F13B: variants seen among roughly 807,000 people sequenced by gnomAD.
F13B encodes coagulation factor XIII B chain, also known as TGase.
In F13B, 58 loss-of-function variants were observed where a neutral mutation model predicts 79.8. The observed-to-expected ratio is 0.73, with a 90% confidence interval of 0.59 to 0.90. F13B has a LOEUF of 0.90. Ranked by LOEUF, F13B falls within the 40% of genes least tolerant of loss-of-function variation. The pLI is 0.00. For synonymous variants in F13B, 283 were observed against 260.3 expected (o/e 1.09, Z -0.84); for missense variants, 773 against 777.0 (o/e 0.99, Z 0.06).
rs372448609 is a variant in F13B, at chr1:197,062,040, C to T, written c.266-71G>A. The T allele has an allele frequency of 4.5e-6, 6 of 1,324,606 alleles. No homozygotes were observed. The East Asian group carries it at 9.7e-5, about 21-fold the overall frequency. The allele number at this position is 1,324,606 out of a possible 1,614,324, so 82.1% of individuals were successfully genotyped here. ...TCTTTTACTAAATTGTAAAATTAAG[C>T]CAAAAGTATAATGTTATTATTGGCG... On this transcript the variant is annotated intron_variant, in intron 2 of 11. Transcript: ENST00000367412.
intron 5 of F13B, 141 bp downstream of exon 5, chr1:197,060,225 C>T (rs1465983375): frequency 1.8e-6 from 1 of 549,150 alleles, no homozygotes; most frequent in Admixed American, 3.4e-5. Flanking sequence ...GAAAATAGCA[C>T]TGATTTAAAA....
At chr1:197,067,138 G>A in intron 1 of F13B, 22 bp downstream of exon 1, 1 of 1,391,360 alleles carries the variant, frequency 7.2e-7, no homozygotes, top group Non-Finnish European at 1.0e-6. Context: ...AGAGAATAAA[G>A]AATATTAAGA....
intron 9 of F13B, among the ~76,000 whole-genome samples, chr1:197,051,902 C>A (rs1307369400): frequency 6.6e-6 from 1 of 151,948 alleles, no homozygotes; most frequent in East Asian, 1.9e-4. Context: ...GTGTTAAGTT[C>A]CATGTAGATT....
chr1:197,040,872 A>T, intron 10 of F13B, 137 bp from the exon 11 acceptor site: 2 of 652,830 alleles, frequency 3.1e-6, no homozygotes, highest in Non-Finnish European at 2.7e-6. Context: ...CAAGTCAGTT[A>T]ATCAGAATTA....
chr1:197,040,249 T>C (rs1004041344), intron 11 of F13B: 6 of 390,202 alleles, frequency 1.5e-5, no homozygotes, highest in African/African-American at 1.0e-4. Context: ...CATTGAAATA[T>C]TGCACGTATA....
chr1:197,062,882 G>A lies in F13B; in HGVS notation c.240C>T (p.Gly80=). ...QEEQTTCTTE[G]WSPEPRCFKK... ...TGAAGCACCTTGGCTCTGGAGACCAGCCTTCTGTTGTACACGTGGTTTGCT... is the reference window on the plus strand; with the variant it reads ...TGAAGCACCTTGGCTCTGGAGACCAACCTTCTGTTGTACACGTGGTTTGCT... Residue 80 remains glycine, a synonymous_variant, in exon 2 of 12, where the codon GGC becomes GGT. Coordinates refer to ENST00000367412, the MANE Select transcript of F13B (RefSeq NM_001994.3). The A allele has an allele frequency of 6.2e-7, 1 of 1,613,800 alleles. No homozygotes were observed. The highest frequency in any genetic ancestry group is 8.5e-7 in the Non-Finnish European group (1 of 1,179,772).
chr1:197,053,531 G>T (rs557201026), intron 8 of F13B, among the ~76,000 whole-genome samples: 3 of 152,154 alleles, frequency 2.0e-5, no homozygotes, highest in South Asian at 4.2e-4. Context: ...TGATTGTGAG[G>T]CCTCCCCAGC....
At chr1:197,054,074 A>G (rs1054092233) in intron 8 of F13B, among the ~76,000 whole-genome samples, 1 of 152,090 alleles carries the variant, frequency 6.6e-6, no homozygotes. Context: ...TTCCAGTTTC[A>G]ATAGTTACCA....
In F13B at chr1:197,047,123, C is replaced by A. The variant is rs571629565; in HGVS notation, c.1738+3574G>T. Among the ~76,000 whole-genome samples, 9 of 152,154 alleles carry A rather than the reference C, an allele frequency of 5.9e-5. No individual in the cohort carries two copies. In the South Asian group the frequency reaches 1.9e-3, roughly 32 times the overall value. On this transcript the variant is annotated intron_variant, in intron 10 of 11. Coordinates refer to ENST00000367412, the MANE Select transcript of F13B (RefSeq NM_001994.3). ...TGGCAAGTACTTCATGACTAAAACACCAAAAGTAATGGCAACAAAAGCCAA... is the reference window on the plus strand; with the variant it reads ...TGGCAAGTACTTCATGACTAAAACAACAAAAGTAATGGCAACAAAAGCCAA...
intron 10 of F13B, among the ~76,000 whole-genome samples, chr1:197,047,819 G>A (rs1236767771): frequency 6.6e-6 from 1 of 152,246 alleles, no homozygotes; most frequent in Admixed American, 6.5e-5. Context: ...CATTAAAAAG[G>A]ATGAGTTCAT....
chr1:197,049,885 A>C (rs1430560970), intron 10 of F13B, among the ~76,000 whole-genome samples: 2 of 152,206 alleles, frequency 1.3e-5, no homozygotes, highest in Admixed American at 1.3e-4. Flanking sequence ...GAAGCAATAT[A>C]ATTCATTAAA....
chr1:197,057,948 C>T (rs1279462335), intron 5 of F13B, among the ~76,000 whole-genome samples: 1 of 152,132 alleles, frequency 6.6e-6, no homozygotes, highest in African/African-American at 2.4e-5. Context: ...GAAGTCTTGC[C>T]CAGTCAAGCC....
chr1:197,064,873 C>T (rs1392594634), intron 1 of F13B, among the ~76,000 whole-genome samples: 1 of 152,122 alleles, frequency 6.6e-6, no homozygotes, highest in Non-Finnish European at 1.5e-5. Flanking sequence ...GGAAGAAGGC[C>T]TAGATCCAGT....
At chr1:197,053,022 C>A (rs1655506999) in intron 8 of F13B, among the ~76,000 whole-genome samples, 188 bp from the exon 9 acceptor site, 1 of 151,886 alleles carries the variant, frequency 6.6e-6, no homozygotes, top group Admixed American at 6.6e-5. Context: ...TGAATCTATA[C>A]ATTATTGTCA....
intron 1 of F13B, among the ~76,000 whole-genome samples, chr1:197,063,642 A>G (rs936669705): frequency 1.3e-5 from 2 of 152,164 alleles, no homozygotes; most frequent in African/African-American, 4.8e-5. Flanking sequence ...ATAGATATGT[A>G]TTGTAAGTCA....
In F13B at chr1:197,055,899, T is replaced by C. The variant is rs779969296; in HGVS notation, c.1172-2A>G. 2.5e-6 allele frequency: 4 copies of C among 1,612,724 alleles called. No individual in the cohort carries two copies. Among genetic ancestry groups the C allele is most frequent in the Non-Finnish European group, 3.4e-6 (4 of 1,179,184 alleles). The stretch of plus-strand genomic sequence containing the variant: ...GATGCTTACAATTCTCATTATTTTC[T>C]AAGAAAAGAGGTTGTTTTAAAATTA... On this transcript the variant is annotated splice_acceptor_variant, in intron 7 of 11. Coordinates refer to ENST00000367412, the MANE Select transcript of F13B (RefSeq NM_001994.3). LOFTEE classifies it high-confidence loss of function.
rs2125078285 is a variant in F13B at position 197,067,219 on chromosome 1, C to T, written c.5G>A (p.Arg2Lys). The change falls in exon 1 of 12, where the codon AGG (arginine) becomes AAG (lysine). Residue 2 changes from arginine to lysine, a missense_variant. By Grantham distance (26) the Arg-to-Lys change is conservative. Coordinates refer to ENST00000367412, the MANE Select transcript of F13B (RefSeq NM_001994.3). M[R>K]LKNLTFIIIL... ...GATGATAAAAGTCAGGTTTTTCAAC[C>T]TCATCTTCAGTGGTGTGCTTCACAA... The T allele has an allele frequency of 1.2e-6, 2 of 1,607,942 alleles. No individual in the cohort carries two copies. Among genetic ancestry groups the T allele is most frequent in the Non-Finnish European group, 1.7e-6 (2 of 1,175,194 alleles).
intron 8 of F13B, among the ~76,000 whole-genome samples, chr1:197,054,406 T>G (rs1319700676): frequency 6.6e-6 from 1 of 152,034 alleles, no homozygotes; most frequent in Non-Finnish European, 1.5e-5. Flanking sequence ...AATATGTATC[T>G]GTATCTGAAT....
intron 1 of F13B, among the ~76,000 whole-genome samples, chr1:197,065,394 C>T (rs771668866): frequency 6.6e-6 from 1 of 151,998 alleles, no homozygotes; most frequent in Non-Finnish European, 1.5e-5. Context: ...ACCAGGAAAT[C>T]ACAGATGTCT....
Sources: gnomAD v4.1 joint callset for allele counts (sites outside exome capture counted in the v4.1 genomes callset) on GRCh38, gnomAD v4.1.1 for gene constraint, MANE v1.5 for transcripts, NCBI Gene and HGNC (gene_info 2026-07-23, HGNC 2026-07-21) for gene names.